Variants in NPIPB2 observed in about 807,000 individuals in gnomAD.
NPIPB2 encodes the protein nuclear pore complex-interacting protein family member B2.
Under a neutral mutation model 30.8 loss-of-function variants are expected in NPIPB2, and 27 were observed. The ratio of observed to expected loss-of-function variants is 0.88; its 90% CI spans 0.65 to 1.21. NPIPB2 has a LOEUF of 1.21. Among genes scored for constraint, NPIPB2 ranks in the 50% most tolerant of loss-of-function variants. NPIPB2 has a pLI of 0.00. For missense variants in NPIPB2, 440 were observed against 446.2 expected (o/e 0.99, Z 0.13); for synonymous variants, 147 against 162.0 (o/e 0.91, Z 0.70).
upstream of NPIPB2, among the ~76,000 whole-genome samples, chr16:11,945,198 A>G (rs1567471175): frequency 6.6e-6 from 1 of 151,782 alleles, no homozygotes; most frequent in African/African-American, 2.4e-5. Context: ...AAAAATAAAC[A>G]AACTAACAAA....
At chr16:11,965,314 T>C in intron 1 of NPIPB2, 8 of 1,614,098 alleles carry the variant, frequency 5.0e-6, no homozygotes, top group Non-Finnish European at 6.8e-6. Context: ...CCTTGTTTTC[T>C]TTTTGTGATC....
rs932847448 is a variant in NPIPB2, at chr16:11,932,386, C to T, written c.488+1131G>A. Among the ~76,000 whole-genome samples the T allele has an allele frequency of 9.4e-5, 14 of 149,344 alleles. No homozygotes were observed. The East Asian group carries it at 1.8e-3, about 19-fold the overall frequency. ...TGAATTCAACAATCCAGGCTGGGTGCGGTGGCTCACACTGGGAGGCTGAGG... is the reference window on the plus strand; with the variant it reads ...TGAATTCAACAATCCAGGCTGGGTGTGGTGGCTCACACTGGGAGGCTGAGG... On this transcript the variant is annotated intron_variant, in intron 4 of 7. Transcript: ENST00000399147.
chr16:11,958,677 G>T (rs535534609), intron 1 of NPIPB2, among the ~76,000 whole-genome samples: 1 of 152,284 alleles, frequency 6.6e-6, no homozygotes, highest in Non-Finnish European at 1.5e-5. Flanking sequence ...GGAGGTTGAG[G>T]CTGCAGTGAG....
chr16:11,973,399 G>A (rs540780284), intron 1 of NPIPB2, among the ~76,000 whole-genome samples: 4 of 152,148 alleles, frequency 2.6e-5, no homozygotes, highest in South Asian at 4.2e-4. Context: ...TTTCCACTGT[G>A]GGGGCCAAGG....
At chr16:11,934,541 G>C (rs1222512762) in intron 2 of NPIPB2, among the ~76,000 whole-genome samples, 8 of 99,250 alleles carry the variant, frequency 8.1e-5, no homozygotes, top group African/African-American at 1.7e-4. Context: ...CAACAAAATT[G>C]AAACTCTGTC....
chr16:11,971,285 C>G (rs2055234112), intron 1 of NPIPB2, among the ~76,000 whole-genome samples: 1 of 152,186 alleles, frequency 6.6e-6, no homozygotes, highest in South Asian at 2.1e-4. Context: ...GGCCATGACA[C>G]AGCCCTCAGG....
intron 1 of NPIPB2, chr16:11,968,088 G>A (rs943186466): frequency 2.0e-5 from 9 of 460,446 alleles, no homozygotes; most frequent in Middle Eastern, 6.0e-4. Context: ...TTTTATTAAC[G>A]TGAGTTTTTA....
chr16:11,939,793 T>C (rs1170853479), intron 1 of NPIPB2, among the ~76,000 whole-genome samples: 17 of 68,624 alleles, frequency 2.5e-4, no homozygotes, highest in Non-Finnish European at 3.0e-4. Context: ...TCTTTCAAGA[T>C]GGTGAATTAA....
At chr16:11,950,823 G>A (rs2055054883) in intron 1 of NPIPB2, among the ~76,000 whole-genome samples, 1 of 151,978 alleles carries the variant, frequency 6.6e-6, no homozygotes, top group Non-Finnish European at 1.5e-5. Flanking sequence ...CTTTCTTCGT[G>A]GAATTTACAT....
Position 11,939,334 on chromosome 16 carries a change from G to A in NPIPB2, c.64-1666C>T, listed in dbSNP as rs561840871. On this transcript the variant is annotated intron_variant, in intron 1 of 7. Coordinates refer to ENST00000399147, the Ensembl canonical transcript of NPIPB2. ...CCCAGCACTTTGGGAAGCCAAGGTG[G>A]GTGGACCACGAGATCAGGAGATTGA... 4.6e-5 allele frequency among the ~76,000 whole-genome samples: 7 copies of A among 151,992 alleles called. No homozygotes were observed. The East Asian group carries it at 5.8e-4, about 13-fold the overall frequency.
chr16:11,965,443 A>G, intron 1 of NPIPB2: 1 of 1,614,114 alleles, frequency 6.2e-7, no homozygotes, highest in South Asian at 1.1e-5. Context: ...TGTCAGCGTT[A>G]TTGTAATGCA....
chr16:11,929,947 T>G (rs2054769364), intron 5 of NPIPB2, among the ~76,000 whole-genome samples: 2 of 137,438 alleles, frequency 1.5e-5, no homozygotes, highest in African/African-American at 5.5e-5. Context: ...CTCCTCTTGC[T>G]TACTGCCTGC....
chr16:11,966,224 G>A (rs771077046), intron 1 of NPIPB2: 35 of 1,613,722 alleles, frequency 2.2e-5, no homozygotes, highest in East Asian at 4.5e-5. Context: ...AGGAACGAAT[G>A]CGATTCTCTG....
intron 4 of NPIPB2, among the ~76,000 whole-genome samples, chr16:11,932,589 A>G (rs1186868506): frequency 6.7e-6 from 1 of 149,258 alleles, no homozygotes; most frequent in Non-Finnish European, 1.5e-5. Flanking sequence ...CAGCTTGGCC[A>G]ATATGGTGAA....
upstream of NPIPB2, among the ~76,000 whole-genome samples, chr16:11,943,160 A>T (rs2054961265): frequency 6.6e-6 from 1 of 151,730 alleles, no homozygotes; most frequent in Non-Finnish European, 1.5e-5. Context: ...TCTCTAATAA[A>T]ATACAAAAAT....
chr16:11,941,242 A>G, intron 1 of NPIPB2: 2 of 1,500,594 alleles, frequency 1.3e-6, no homozygotes, highest in South Asian at 1.2e-5. Flanking sequence ...CAGCACCCGC[A>G]TGTCCTGGTC....
chr16:11,943,826 G>A (rs1342798361), upstream of NPIPB2, among the ~76,000 whole-genome samples: 4 of 150,478 alleles, frequency 2.7e-5, no homozygotes, highest in African/African-American at 4.9e-5. Flanking sequence ...GTGAAACCCC[G>A]TCTCTACTAA....
At chr16:11,956,847 A>G (rs533838292) in intron 1 of NPIPB2, among the ~76,000 whole-genome samples, 1 of 152,294 alleles carries the variant, frequency 6.6e-6, no homozygotes, top group African/African-American at 2.4e-5. Flanking sequence ...GCTTCACCCC[A>G]GGGGTACCAG....
At chr16:11,976,581 C>G (rs2055301431) in exon 1 of NPIPB2, 1 of 361,144 alleles carries the variant, frequency 2.8e-6, no homozygotes, top group South Asian at 1.5e-4. Flanking sequence ...GAGTCTCCAG[C>G]CCGCGTAGCC....
Sources: gnomAD v4.1 joint callset for allele counts (sites outside exome capture counted in the v4.1 genomes callset) on GRCh38, gnomAD v4.1.1 for gene constraint, MANE v1.5 for transcripts, NCBI Gene and HGNC (gene_info 2026-07-23, HGNC 2026-07-21) for gene names.